The following GABRA2 variants were observed in gnomAD, a reference collection of about 807,000 sequenced individuals.
GABRA2 encodes the protein gamma-aminobutyric acid type A receptor subunit alpha2.
In GABRA2, 16 loss-of-function variants were observed where a neutral mutation model predicts 48.7. The ratio of observed to expected loss-of-function variants is 0.33; its 90% CI spans 0.22 to 0.50. The LOEUF (loss-of-function observed/expected upper bound fraction) is 0.50. Among genes scored for constraint, GABRA2 ranks in the 20% least tolerant of loss-of-function variants. The pLI is 0.98. For synonymous variants in GABRA2, 185 were observed against 184.5 expected (o/e 1.00, Z -0.02); for missense variants, 275 against 535.6 (o/e 0.51, Z 4.80).
Position 46,250,111 on chromosome 4 carries a change from G to A in GABRA2, c.*197C>T, listed in dbSNP as rs1275045857. 20 of 502,820 alleles carry A rather than the reference G, an allele frequency of 4.0e-5. No individual in the cohort carries two copies. Among genetic ancestry groups the A allele is most frequent in the East Asian group, 2.1e-4 (7 of 32,700 alleles). 31.1% of individuals were successfully genotyped at this position (502,820 alleles called of 1,614,324 possible). A position where few individuals can be genotyped will look rare whatever the true frequency, so the allele number is the denominator to read the frequency against. On this transcript the variant is annotated 3_prime_UTR_variant, in exon 10 of 10. Transcript: ENST00000381620. The stretch of plus-strand genomic sequence containing the variant: ...TTTAAAAAAGGCAATGGCTGTTTTC[G>A]CATGGAGTGCTTTCTGTCTGCAGTT...
Position 46,390,040 on chromosome 4 carries a change from G to T in GABRA2, c.-316C>A, listed in dbSNP as rs1718048261. 8.3e-6 allele frequency: 2 copies of T among 241,194 alleles called. No homozygotes were observed. The highest frequency in any genetic ancestry group is 2.0e-4 in the South Asian group (1 of 4,946). The allele number at this position is 241,194 out of a possible 1,614,324, so 14.9% of individuals were successfully genotyped here. The stretch of plus-strand genomic sequence containing the variant: ...GGAAGAGGAGGAGGGGGAAAACGAT[G>T]ACAGGAGCTGGGGCCGGGGGGGGAA... On this transcript the variant is annotated 5_prime_UTR_variant, in exon 1 of 10. Coordinates refer to ENST00000381620, the MANE Select transcript of GABRA2 (RefSeq NM_000807.4).
intron 8 of GABRA2, among the ~76,000 whole-genome samples, chr4:46,270,945 T>A (rs1577844661): frequency 6.6e-6 from 1 of 151,886 alleles, no homozygotes; most frequent in Middle Eastern, 3.4e-3. Flanking sequence ...AATACTGTTG[T>A]TACTAAGATC....
chr4:46,262,974 GA>G (rs1717341395), intron 8 of GABRA2, among the ~76,000 whole-genome samples: 1 of 148,022 alleles, frequency 6.8e-6, no homozygotes, highest in African/African-American at 2.5e-5. Context: ...GAGAGAGAGA[GA>G]GAGGGAGGGA....
chr4:46,297,476 CATATATATATATATATATATAT>C (rs56201706), intron 8 of GABRA2, among the ~76,000 whole-genome samples: 55,829 of 88,150 alleles, frequency 0.63, 15,480 homozygotes, highest in East Asian at 0.73. Flanking sequence ...AATAAAATCC[CATATATATATATATATATATAT>C]ATATATATAT....
chr4:46,314,433 G>A (rs919986996), intron 4 of GABRA2, among the ~76,000 whole-genome samples: 2 of 152,046 alleles, frequency 1.3e-5, no homozygotes, highest in Non-Finnish European at 2.9e-5. Context: ...CAAACAGGAA[G>A]TTGCAAGTGA....
intron 3 of GABRA2, among the ~76,000 whole-genome samples, chr4:46,356,981 G>T (rs1389140013): frequency 2.7e-5 from 4 of 146,260 alleles, no homozygotes; most frequent in Non-Finnish European, 4.6e-5. Flanking sequence ...TTCTGGGTTT[G>T]TTTTTTTTTT....
At chr4:46,378,483 C>G (rs1716287723) in intron 3 of GABRA2, among the ~76,000 whole-genome samples, 1 of 151,712 alleles carries the variant, frequency 6.6e-6, no homozygotes, top group Non-Finnish European at 1.5e-5. Context: ...GAGTCATCAC[C>G]ACTCCCTAAT....
chr4:46,310,112 G>A, intron 6 of GABRA2, 61 bp downstream of exon 6: 1 of 1,215,704 alleles, frequency 8.2e-7, no homozygotes, highest in Admixed American at 1.7e-5. Flanking sequence ...CAATTGAGCA[G>A]TGCTGCTGAC....
intron 9 of GABRA2, among the ~76,000 whole-genome samples, chr4:46,254,160 T>C (rs1013345704): frequency 6.6e-6 from 1 of 151,642 alleles, no homozygotes; most frequent in Admixed American, 6.6e-5. Context: ...CTATTCACTA[T>C]TGACTGCTAT....
At chr4:46,387,567 A>G (rs950625816) in intron 2 of GABRA2, among the ~76,000 whole-genome samples, 6 of 152,152 alleles carry the variant, frequency 3.9e-5, no homozygotes, top group Non-Finnish European at 8.8e-5. Context: ...AGCTAATTTT[A>G]AAACCAATAA....
chr4:46,348,789 G>T (rs1474341371), intron 3 of GABRA2, among the ~76,000 whole-genome samples: 16 of 112,216 alleles, frequency 1.4e-4, no homozygotes, highest in African/African-American at 1.0e-4. Flanking sequence ...GTGGGGGGAG[G>T]GGGGAGGGAT....
At chr4:46,288,940 C>A (rs1723065491) in intron 8 of GABRA2, among the ~76,000 whole-genome samples, 2 of 151,726 alleles carry the variant, frequency 1.3e-5, no homozygotes, top group African/African-American at 4.8e-5. Flanking sequence ...ATGTAGCCAA[C>A]AATCATATGA....
chr4:46,389,703 G>GT, intron 1 of GABRA2, 32 bp downstream of exon 1: 3 of 979,596 alleles, frequency 3.1e-6, no homozygotes, highest in Non-Finnish European at 3.6e-6. Flanking sequence ...ACAGGAAAGT[G>GT]TCTCTATCGG....
intron 4 of GABRA2, among the ~76,000 whole-genome samples, chr4:46,330,583 T>TAGAGAGAGAGAG (rs1180886073): frequency 2.0e-4 from 22 of 108,092 alleles, no homozygotes; most frequent in East Asian, 1.7e-3. Context: ...TATATATATA[T>TAGAGAGAGAGAG]ATATATATAG....
Position 46,389,913 on chromosome 4 carries a change from G to A in GABRA2, c.-189C>T, listed in dbSNP as rs977977204. On this transcript the variant is annotated 5_prime_UTR_variant, in exon 1 of 10. Coordinates refer to ENST00000381620, the MANE Select transcript of GABRA2 (RefSeq NM_000807.4). ...GTGGAGCGATGGGCTGGTGGAAGCC[G>A]GAGAGGAGCGCTAGGAGCCGCGGCG... 4.1e-6 allele frequency: 4 copies of A among 986,972 alleles called. No individual in the cohort carries two copies. The highest frequency in any genetic ancestry group is 1.1e-4 in the East Asian group (1 of 8,752). 61.1% of individuals were successfully genotyped at this position (986,972 alleles called of 1,614,324 possible).
At chr4:46,262,952 AAGAAAGAG>A (rs57486202) in intron 8 of GABRA2, among the ~76,000 whole-genome samples, 68,044 of 138,018 alleles carry the variant, frequency 0.49, 17,121 homozygotes, top group South Asian at 0.71. Context: ...GAAAGAAAGA[AAGAAAGAG>A]AGAGAGAGAG....
chr4:46,262,920 AG>A, intron 8 of GABRA2, among the ~76,000 whole-genome samples: 1 of 144,314 alleles, frequency 6.9e-6, no homozygotes, highest in East Asian at 2.1e-4. Flanking sequence ...AGAAAGAAAG[AG>A]AGAGAGAAAG....
At chr4:46,345,950 AG>A (rs774272830) in intron 3 of GABRA2, among the ~76,000 whole-genome samples, 6 of 151,980 alleles carry the variant, frequency 3.9e-5, no homozygotes, top group Non-Finnish European at 8.8e-5. Flanking sequence ...AGAGTAAATC[AG>A]GCTGTAGATG....
chr4:46,286,834 T>C (rs1184918572), intron 8 of GABRA2, among the ~76,000 whole-genome samples: 4 of 152,170 alleles, frequency 2.6e-5, no homozygotes, highest in African/African-American at 7.2e-5. Context: ...TCCTTATATC[T>C]TCTAGATATT....
Sources: gnomAD v4.1 joint callset for allele counts (sites outside exome capture counted in the v4.1 genomes callset) on GRCh38, gnomAD v4.1.1 for gene constraint, MANE v1.5 for transcripts, NCBI Gene and HGNC (gene_info 2026-07-23, HGNC 2026-07-21) for gene names.